Variants in VWC2 observed in about 807,000 individuals in gnomAD.
The protein encoded by VWC2 is von Willebrand factor C domain containing 2.
In VWC2, 14 loss-of-function variants were observed where a neutral mutation model predicts 29.8. The ratio of observed to expected loss-of-function variants is 0.47; its 90% CI spans 0.31 to 0.74. The LOEUF is 0.74. Ranked by LOEUF, VWC2 falls within the 30% of genes least tolerant of loss-of-function variation. The pLI is 0.05. For missense variants in VWC2, 457 were observed against 459.8 expected (o/e 0.99, Z 0.05); for synonymous variants, 213 against 199.0 (o/e 1.07, Z -0.59).
chr7:49,835,900 A>G (rs1789646644), intron 3 of VWC2, among the ~76,000 whole-genome samples: 1 of 152,224 alleles, frequency 6.6e-6, no homozygotes, highest in Non-Finnish European at 1.5e-5. Context: ...TAATTGTATG[A>G]AACAAAAAGT....
chr7:49,903,729 G>A (rs918164051), intron 3 of VWC2, among the ~76,000 whole-genome samples: 5 of 152,142 alleles, frequency 3.3e-5, no homozygotes, highest in Non-Finnish European at 4.4e-5. Context: ...GTTGTCTGGG[G>A]TATATACCCA....
intron 2 of VWC2, among the ~76,000 whole-genome samples, chr7:49,791,868 T>C (rs1360378563): frequency 6.6e-6 from 1 of 152,220 alleles, no homozygotes; most frequent in African/African-American, 2.4e-5. Context: ...GTACTGATAA[T>C]GGCCACTGTC....
chr7:49,781,699 A>C (rs1788181157), intron 2 of VWC2, among the ~76,000 whole-genome samples: 1 of 152,158 alleles, frequency 6.6e-6, no homozygotes, highest in African/African-American at 2.4e-5. Flanking sequence ...AGGTACCCGG[A>C]AAAAGGAAAA....
At chr7:49,831,498 T>C (rs1238587197) in intron 3 of VWC2, among the ~76,000 whole-genome samples, 4 of 152,172 alleles carry the variant, frequency 2.6e-5, no homozygotes, top group Non-Finnish European at 5.9e-5. Flanking sequence ...GGAAGTAGAT[T>C]TATTCTGCAT....
intron 3 of VWC2, among the ~76,000 whole-genome samples, chr7:49,861,593 C>T (rs1167798795): frequency 6.6e-6 from 1 of 152,090 alleles, no homozygotes; most frequent in Non-Finnish European, 1.5e-5. Flanking sequence ...AGATTTAAAC[C>T]TTTATTTTCT....
rs117595034 is a variant in VWC2 at position 49,803,012 on chromosome 7, C to G, written c.826+172C>G. On this transcript the variant is annotated intron_variant, in intron 3 of 3. Transcript: ENST00000340652. ...CAGCCACAGTGGTTCTGTAGCAAGG[C>G]CTTCTCTCTCTTACTGGCATCAGCA... is the stretch of plus-strand genomic sequence containing the variant. Among the ~76,000 whole-genome samples, 835 of 152,300 alleles carry G rather than the reference C, an allele frequency of 5.5e-3. 9 individuals carry two copies. The highest frequency in any genetic ancestry group is 0.017 in the Middle Eastern group (5 of 294).
chr7:49,788,774 G>T (rs1031410134), intron 2 of VWC2, among the ~76,000 whole-genome samples: 1 of 131,006 alleles, frequency 7.6e-6, no homozygotes, highest in Non-Finnish European at 1.5e-5. Flanking sequence ...GTGAGAGAGG[G>T]TGTGTATGAG....
chr7:49,891,386 T>C (rs1018914472), intron 3 of VWC2, among the ~76,000 whole-genome samples: 8 of 152,196 alleles, frequency 5.3e-5, no homozygotes, highest in East Asian at 1.9e-4. Flanking sequence ...ATAATTATAA[T>C]TGGAAGTTTT....
intron 2 of VWC2, among the ~76,000 whole-genome samples, chr7:49,780,163 G>C (rs1284877095): frequency 2.0e-5 from 3 of 152,220 alleles, no homozygotes; most frequent in Non-Finnish European, 4.4e-5. Flanking sequence ...TTATGACGAA[G>C]GCACGGAGTG....
intron 3 of VWC2, among the ~76,000 whole-genome samples, chr7:49,803,164 T>C (rs183969291): frequency 6.6e-6 from 1 of 152,226 alleles, no homozygotes; most frequent in South Asian, 2.1e-4. Context: ...CAAGACACAT[T>C]AAACACACTG....
chr7:49,897,500 T>A (rs1792448579), intron 3 of VWC2, among the ~76,000 whole-genome samples: 1 of 152,336 alleles, frequency 6.6e-6, no homozygotes, highest in Admixed American at 6.5e-5. Context: ...CAAACACTGA[T>A]CAATAGAGTT....
At chr7:49,806,727 T>A (rs1416200148) in intron 3 of VWC2, among the ~76,000 whole-genome samples, 1 of 151,930 alleles carries the variant, frequency 6.6e-6, no homozygotes, top group African/African-American at 2.4e-5. Flanking sequence ...ATGGTGTGTG[T>A]GTGTGTGTTT....
At chr7:49,872,192 T>A (rs1458747223) in intron 3 of VWC2, among the ~76,000 whole-genome samples, 6 of 152,014 alleles carry the variant, frequency 3.9e-5, no homozygotes, top group Admixed American at 3.3e-4. Flanking sequence ...AGTTGATTGG[T>A]CACATTTAAG....
chr7:49,876,143 A>G (rs1791406737), intron 3 of VWC2, among the ~76,000 whole-genome samples: 1 of 152,214 alleles, frequency 6.6e-6, no homozygotes, highest in African/African-American at 2.4e-5. Flanking sequence ...CAGGAATTAT[A>G]TGGAAGGCTG....
intron 2 of VWC2, among the ~76,000 whole-genome samples, chr7:49,790,337 G>A (rs924268458): frequency 6.6e-6 from 1 of 152,172 alleles, no homozygotes; most frequent in African/African-American, 2.4e-5. Flanking sequence ...TTAATCTATT[G>A]TGTTGTATGT....
intron 2 of VWC2, among the ~76,000 whole-genome samples, chr7:49,789,368 A>T (rs906839579): frequency 2.7e-5 from 4 of 150,484 alleles, no homozygotes; most frequent in South Asian, 2.1e-4. Flanking sequence ...TGTGTGTGTG[A>T]GTGTGAGTGT....
At chr7:49,783,073 C>T (rs945171496) in intron 2 of VWC2, among the ~76,000 whole-genome samples, 2 of 152,090 alleles carry the variant, frequency 1.3e-5, no homozygotes, top group Non-Finnish European at 2.9e-5. Flanking sequence ...TGTAGAACCT[C>T]TAATCATTAG....
intron 3 of VWC2, among the ~76,000 whole-genome samples, chr7:49,906,625 C>T (rs566433051): frequency 9.9e-5 from 15 of 152,240 alleles, no homozygotes; most frequent in African/African-American, 3.6e-4. Context: ...CGTGAGCCAC[C>T]GCACCCAGCC....
chr7:49,907,871 A>ATAGT (rs1793189586), intron 3 of VWC2, among the ~76,000 whole-genome samples: 1 of 152,176 alleles, frequency 6.6e-6, no homozygotes, highest in Non-Finnish European at 1.5e-5. Flanking sequence ...TGTGGAGACC[A>ATAGT]TAGTTTTGTC....
Sources: gnomAD v4.1 joint callset for allele counts (sites outside exome capture counted in the v4.1 genomes callset) on GRCh38, gnomAD v4.1.1 for gene constraint, MANE v1.5 for transcripts, NCBI Gene and HGNC (gene_info 2026-07-23, HGNC 2026-07-21) for gene names.